UNC80: variants seen among roughly 807,000 people sequenced by gnomAD.
UNC80 encodes the protein protein unc-80 homolog.
UNC80 carries 164 observed loss-of-function variants against 384.6 expected under a neutral mutation model. That is an observed-to-expected ratio of 0.43 (90% CI 0.38 to 0.49). The LOEUF (loss-of-function observed/expected upper bound fraction) is 0.49, where lower values mean the gene tolerates loss of function less well. UNC80 is among the 20% of genes least tolerant of loss of function. The pLI is 0.00. For missense variants in UNC80, 3,330 were observed against 4,143.0 expected (o/e 0.80, Z 5.39); for synonymous variants, 1,486 against 1,527.8 (o/e 0.97, Z 0.64).
At chr2:209,809,492 A>T (rs751306334) in intron 7 of UNC80, 18 of 1,266,460 alleles carry the variant, frequency 1.4e-5, no homozygotes, top group Middle Eastern at 1.8e-4. Flanking sequence ...GTCAAGAAGT[A>T]CCAGTGCCAG....
Position 209,771,912 on chromosome 2 carries a change from G to A in UNC80, c.-161G>A. ...CAGCCATGTTCCACGCGCGGGGAGG[G>A]GTGGGGGGAGGGGAGAGGCACGGGG... is the stretch of plus-strand genomic sequence containing the variant. On this transcript the variant is annotated 5_prime_UTR_variant, in exon 1 of 65. Coordinates refer to ENST00000673920, the MANE Select transcript of UNC80 (RefSeq NM_001371986.1). The A allele has an allele frequency of 1.6e-6, 1 of 628,536 alleles. No individual in the cohort carries two copies. The highest frequency in any genetic ancestry group is 2.2e-5 in the Admixed American group (1 of 45,450). The allele number at this position is 628,536 out of a possible 1,614,324, so 38.9% of individuals were successfully genotyped here. A position where few individuals can be genotyped will look rare whatever the true frequency, so the allele number is the denominator to read the frequency against.
chr2:209,963,140 T>C (rs2092645417), intron 51 of UNC80, among the ~76,000 whole-genome samples: 1 of 152,254 alleles, frequency 6.6e-6, no homozygotes, highest in Non-Finnish European at 1.5e-5. Context: ...CAGAAATGTA[T>C]TGCTTCATTT....
At chr2:209,866,191 T>G (rs2083748009) in intron 22 of UNC80, among the ~76,000 whole-genome samples, 1 of 152,190 alleles carries the variant, frequency 6.6e-6, no homozygotes, top group Admixed American at 6.5e-5. Context: ...TCTTTCCTTC[T>G]GTAAATTGAA....
At chr2:209,853,507 T>A (rs1482846667) in intron 22 of UNC80, among the ~76,000 whole-genome samples, 1 of 152,054 alleles carries the variant, frequency 6.6e-6, no homozygotes, top group African/African-American at 2.4e-5. Flanking sequence ...TTAAGTCCAG[T>A]ACAGCTTTTC....
intron 14 of UNC80, among the ~76,000 whole-genome samples, chr2:209,828,964 A>G (rs2080753754): frequency 6.6e-6 from 1 of 151,790 alleles, no homozygotes; most frequent in African/African-American, 2.4e-5. Flanking sequence ...AAAATACTGA[A>G]CTCTTTCTGA....
intron 39 of UNC80, among the ~76,000 whole-genome samples, chr2:209,935,392 C>T (rs2091177838): frequency 6.6e-6 from 1 of 152,086 alleles, no homozygotes; most frequent in South Asian, 2.1e-4. Flanking sequence ...GAGGCCGAGG[C>T]AGGTGGATTG....
chr2:209,778,453 G>A (rs1652702769), intron 4 of UNC80, among the ~76,000 whole-genome samples: 1 of 152,190 alleles, frequency 6.6e-6, no homozygotes, highest in African/African-American at 2.4e-5. Context: ...CTTTTAGACA[G>A]TAGGGTATAG....
intron 22 of UNC80, among the ~76,000 whole-genome samples, chr2:209,857,559 C>T (rs1431917022): frequency 1.3e-5 from 2 of 151,908 alleles, no homozygotes; most frequent in Non-Finnish European, 2.9e-5. Flanking sequence ...TGTATGTTCT[C>T]TAATTTATTA....
In UNC80 at chr2:209,825,921, T is replaced by A. The variant is rs1574615616; in HGVS notation, c.2346T>A (p.Pro782=). 1 of 1,546,882 alleles carries A rather than the reference T, an allele frequency of 6.5e-7. No homozygotes were observed. Among genetic ancestry groups the A allele is most frequent in the Non-Finnish European group, 8.7e-7 (1 of 1,145,042 alleles). ...GTGGGTACCAGGATGAAAGTACACCTGTAAGCAACCATAGGCTTGCTCTAA... is the reference window on the plus strand; with the variant it reads ...GTGGGTACCAGGATGAAAGTACACCAGTAAGCAACCATAGGCTTGCTCTAA... ...DKNQEKDEST[P]VSNHRLALTM... Residue 782 remains proline (P), a synonymous_variant, in exon 14 of 65, where the codon CCT becomes CCA. Transcript: ENST00000673920.
At chr2:209,799,869 C>T (rs373651297) in intron 7 of UNC80, among the ~76,000 whole-genome samples, 4 of 152,250 alleles carry the variant, frequency 2.6e-5, no homozygotes, top group East Asian at 1.9e-4. Flanking sequence ...TGATGAATTA[C>T]GTTTATTGAT....
At chr2:209,850,160 C>A (rs537602860) in intron 22 of UNC80, among the ~76,000 whole-genome samples, 8 of 152,108 alleles carry the variant, frequency 5.3e-5, no homozygotes, top group African/African-American at 1.7e-4. Flanking sequence ...ACACTTTGAA[C>A]ATTGTGTGCT....
chr2:209,836,312 T>C (rs2081331879), intron 18 of UNC80, among the ~76,000 whole-genome samples: 1 of 151,962 alleles, frequency 6.6e-6, no homozygotes, highest in African/African-American at 2.4e-5. Flanking sequence ...GTTAAAAGGC[T>C]TTATACTCAG....
chr2:209,819,231 T>C lies in UNC80; in HGVS notation c.1932T>C (p.Phe644=). 6.4e-7 allele frequency: 1 copy of C among 1,551,348 alleles called. No individual in the cohort carries two copies. The highest frequency in any genetic ancestry group is 1.2e-5 in the South Asian group (1 of 83,942). Residue 644 remains phenylalanine (F), a synonymous_variant, in exon 12 of 65, where the codon TTT becomes TTC. Coordinates refer to ENST00000673920, the MANE Select transcript of UNC80 (RefSeq NM_001371986.1). ...DTEHIDGTNN[F]VHKNGMLDLS... ...AACATATTGACGGGACCAATAACTTTGTCCACAAGAATGGAATGCTTGATC... is the reference window on the plus strand; with the variant it reads ...AACATATTGACGGGACCAATAACTTCGTCCACAAGAATGGAATGCTTGATC...
chr2:209,841,743 G>C (rs769531458), intron 20 of UNC80, among the ~76,000 whole-genome samples: 16 of 152,120 alleles, frequency 1.1e-4, no homozygotes, highest in Non-Finnish European at 1.6e-4. Flanking sequence ...GAAAATATAT[G>C]TATCATTCCT....
intron 24 of UNC80, 114 bp downstream of exon 24, chr2:209,878,203 A>G: frequency 9.0e-7 from 1 of 1,116,370 alleles, no homozygotes; most frequent in South Asian, 2.3e-5. Context: ...ATGTCTTTCC[A>G]CTGCTCCTTC....
chr2:209,974,572 C>T (rs938185207), intron 56 of UNC80, among the ~76,000 whole-genome samples: 8 of 152,150 alleles, frequency 5.3e-5, no homozygotes, highest in Non-Finnish European at 8.8e-5. Flanking sequence ...TTTGTTTTTA[C>T]ATTTATTTTG....
At chr2:209,897,397 C>T (rs1361352336) in intron 28 of UNC80, among the ~76,000 whole-genome samples, 2 of 152,164 alleles carry the variant, frequency 1.3e-5, no homozygotes, top group African/African-American at 2.4e-5. Context: ...TTCATTTTGT[C>T]TGTTTTTGAA....
At chr2:209,842,204 A>C in intron 20 of UNC80, 146 bp from the exon 21 acceptor site, 1 of 608,160 alleles carries the variant, frequency 1.6e-6, no homozygotes, top group Non-Finnish European at 2.8e-6. Flanking sequence ...ACTGATGACC[A>C]AACTAACCAG....
At chr2:209,787,315 G>C (rs534575530) in intron 5 of UNC80, among the ~76,000 whole-genome samples, 45 of 152,138 alleles carry the variant, frequency 3.0e-4, no homozygotes, top group African/African-American at 1.1e-3. Flanking sequence ...AGATGTAACT[G>C]ATTTGAATTT....
Sources: gnomAD v4.1 joint callset for allele counts (sites outside exome capture counted in the v4.1 genomes callset) on GRCh38, gnomAD v4.1.1 for gene constraint, MANE v1.5 for transcripts, NCBI Gene and HGNC (gene_info 2026-07-23, HGNC 2026-07-21) for gene names.